ITPR2: variants seen among roughly 807,000 people sequenced by gnomAD.
ITPR2 encodes the protein inositol 1,4,5-trisphosphate receptor type 2.
In ITPR2, 207 loss-of-function variants were observed where a neutral mutation model predicts 317.1. The observed-to-expected ratio is 0.65, with a 90% CI of 0.58 to 0.73. The LOEUF is 0.73. ITPR2 is among the 30% of genes least tolerant of loss of function. The pLI is 0.00. For missense variants in ITPR2, 2,613 were observed against 3,284.0 expected (o/e 0.80, Z 4.99); for synonymous variants, 1,156 against 1,149.1 (o/e 1.01, Z -0.12).
At chr12:26,476,208 T>C (rs1340134033) in intron 44 of ITPR2, among the ~76,000 whole-genome samples, 1 of 152,246 alleles carries the variant, frequency 6.6e-6, no homozygotes, top group Non-Finnish European at 1.5e-5. Flanking sequence ...AGCAAAAGAA[T>C]GTTGTGCCAG....
chr12:26,724,560 C>T (rs1948888245), intron 4 of ITPR2, 96 bp downstream of exon 4: 1 of 726,232 alleles, frequency 1.4e-6, no homozygotes, highest in Non-Finnish European at 2.5e-6. Context: ...GAACAAACTT[C>T]CTGTATCTCA....
chr12:26,818,854 A>G (rs1214540150), intron 1 of ITPR2, among the ~76,000 whole-genome samples: 1 of 152,236 alleles, frequency 6.6e-6, no homozygotes. Context: ...AGCCAAACAC[A>G]GTAACTGTTC....
chr12:26,367,817 G>T (rs964917820), intron 55 of ITPR2, among the ~76,000 whole-genome samples: 5 of 152,154 alleles, frequency 3.3e-5, no homozygotes, highest in Admixed American at 6.5e-5. Flanking sequence ...TTTGTTTCTA[G>T]TTCTTCTTAC....
chr12:26,427,924 C>A lies in ITPR2; in HGVS notation c.6934G>T (p.Gly2312Cys), dbSNP rs751030217. The change falls in exon 49 of 57, where the codon GGT becomes TGT. Residue 2312 changes from glycine (G) to cysteine (C), a missense_variant. By Grantham distance (159) the Gly-to-Cys change is radical. Around this residue, in one of 9 missense-constraint regions of ITPR2, gnomAD observed 78 missense variants for 110.3 expected, o/e 0.71. Transcript: ENST00000381340. ...IGLGPTLILL[G>C]AANLCNKIVF... ...AGTAAAGTACTTACATTAGCTGCAC[C>A]AAGAAGTATTAATGTAGGCCCAAGA... The A allele has an allele frequency of 6.4e-7, 1 of 1,566,496 alleles. No homozygotes were observed. The highest frequency in any genetic ancestry group is 8.6e-7 in the Non-Finnish European group (1 of 1,157,728).
intron 53 of ITPR2, among the ~76,000 whole-genome samples, 185 bp from the exon 54 acceptor site, chr12:26,399,226 G>C (rs1940094249): frequency 6.6e-6 from 1 of 152,190 alleles, no homozygotes; most frequent in South Asian, 2.1e-4. Flanking sequence ...CCTATTTCCA[G>C]AACCACTTAC....
intron 42 of ITPR2, among the ~76,000 whole-genome samples, chr12:26,482,651 T>C (rs1471263776): frequency 6.6e-6 from 1 of 152,204 alleles, no homozygotes; most frequent in Non-Finnish European, 1.5e-5. Flanking sequence ...ACTCTTTCGG[T>C]ATTTCATATG....
intron 45 of ITPR2, among the ~76,000 whole-genome samples, chr12:26,446,713 A>T (rs1405886464): frequency 2.5e-4 from 33 of 131,660 alleles, no homozygotes; most frequent in African/African-American, 9.3e-4. Flanking sequence ...TGCAGAGAAG[A>T]GGCATTCTAA....
At chr12:26,683,535 A>G (rs1328967312) in intron 11 of ITPR2, among the ~76,000 whole-genome samples, 2 of 152,200 alleles carry the variant, frequency 1.3e-5, no homozygotes, top group Non-Finnish European at 2.9e-5. Flanking sequence ...AGTGCTGTTG[A>G]CCACAAGTTC....
At chr12:26,365,967 C>T (rs184072132) in intron 55 of ITPR2, among the ~76,000 whole-genome samples, 118 of 152,200 alleles carry the variant, frequency 7.8e-4, no homozygotes, top group South Asian at 4.8e-3. Context: ...AAAAATAACA[C>T]GTAGAATATC....
chr12:26,464,212 T>G (rs1942112327), intron 45 of ITPR2, among the ~76,000 whole-genome samples: 1 of 152,114 alleles, frequency 6.6e-6, no homozygotes, highest in African/African-American at 2.4e-5. Flanking sequence ...CACATTATAT[T>G]TATTGCGCAC....
chr12:26,395,008 A>G (rs1939952264), intron 54 of ITPR2, among the ~76,000 whole-genome samples: 2 of 152,162 alleles, frequency 1.3e-5, no homozygotes, highest in African/African-American at 4.8e-5. Context: ...GGGATGATGG[A>G]CTGGCTTCAG....
intron 55 of ITPR2, chr12:26,373,844 A>T (rs1438800563): frequency 6.6e-6 from 1 of 152,246 alleles, no homozygotes; most frequent in Non-Finnish European, 1.5e-5. Flanking sequence ...CAAGTTCTTC[A>T]CTTGAAGGAG....
chr12:26,656,522 A>C lies in ITPR2; in HGVS notation c.2219T>G (p.Met740Arg). 6.2e-7 allele frequency: 1 copy of C among 1,614,234 alleles called. No individual in the cohort carries two copies. The highest frequency in any genetic ancestry group is 8.5e-7 in the Non-Finnish European group (1 of 1,180,038). The change falls in exon 19 of 57, where the codon ATG becomes AGG. Residue 740 changes from methionine (M) to arginine (R), a missense_variant. Physicochemically the swap from Met to Arg is moderately conservative, Grantham distance 91. Transcript: ENST00000381340. ...YRYQLNLFAR[M>R]CLDRQYLAIN... ...GGCCAGATACTGGCGATCCAAGCACATCCTTGCAAAGAGGTTTAGCTGGTA... is the reference window on the plus strand; with the variant it reads ...GGCCAGATACTGGCGATCCAAGCACCTCCTTGCAAAGAGGTTTAGCTGGTA...
In ITPR2 at chr12:26,486,277, C is replaced by G; in HGVS notation, c.5638G>C (p.Val1880Leu). ...ASSATSKAYC[V>L]YRREMDPEID... ...TCTGGATCCATTTCTCTTCTGTATA[C>G]ACAATATGCTTTGGATGTTGCTGAA... The change falls in exon 41 of 57, where the codon GTA (valine) becomes CTA (leucine). Residue 1880 changes from valine to leucine, a missense_variant. Physicochemically the swap from Val to Leu is conservative, Grantham distance 32 (BLOSUM62 1). Coordinates refer to ENST00000381340, the MANE Select transcript of ITPR2 (RefSeq NM_002223.4). 6.2e-7 allele frequency: 1 copy of G among 1,613,992 alleles called. No individual in the cohort carries two copies. Among genetic ancestry groups the G allele is most frequent in the Non-Finnish European group, 8.5e-7 (1 of 1,179,908 alleles).
At chr12:26,587,214 C>G (rs1945551214) in intron 32 of ITPR2, among the ~76,000 whole-genome samples, 1 of 151,206 alleles carries the variant, frequency 6.6e-6, no homozygotes, top group Non-Finnish European at 1.5e-5. Flanking sequence ...TGTTCTAGGT[C>G]AGGTATGCAG....
chr12:26,649,278 G>A (rs1947188973), intron 21 of ITPR2: 1 of 151,944 alleles, frequency 6.6e-6, no homozygotes, highest in African/African-American at 2.4e-5. Flanking sequence ...TAGACATCAT[G>A]CCCTTTCAAC....
intron 55 of ITPR2, among the ~76,000 whole-genome samples, chr12:26,359,610 A>T (rs1938759416): frequency 2.0e-5 from 3 of 152,144 alleles, no homozygotes; most frequent in Admixed American, 2.0e-4. Context: ...GGGAAAAAAA[A>T]AGCTAATATT....
intron 45 of ITPR2, among the ~76,000 whole-genome samples, chr12:26,454,971 A>C (rs1186629870): frequency 1.3e-5 from 2 of 152,118 alleles, no homozygotes; most frequent in African/African-American, 4.8e-5. Flanking sequence ...TTACTATTCT[A>C]CTTTTCTCTA....
chr12:26,455,079 A>G (rs1941847541), intron 45 of ITPR2, among the ~76,000 whole-genome samples: 1 of 152,084 alleles, frequency 6.6e-6, no homozygotes, highest in African/African-American at 2.4e-5. Flanking sequence ...TTGAAATTAT[A>G]ATGATGAGTT....
Sources: gnomAD v4.1 joint callset for allele counts (sites outside exome capture counted in the v4.1 genomes callset) on GRCh38, gnomAD v4.1.1 for gene constraint, gnomAD v4.1.1 regional missense constraint, MANE v1.5 for transcripts, NCBI Gene and HGNC (gene_info 2026-07-23, HGNC 2026-07-21) for gene names.